The following CENPQ variants were observed in gnomAD, a reference collection of about 807,000 sequenced individuals.
CENPQ encodes the protein centromere protein Q.
CENPQ carries 27 observed loss-of-function variants against 36.6 expected under a neutral mutation model. The observed-to-expected ratio is 0.74, with a 90% CI of 0.54 to 1.02. The LOEUF is 1.02. Among genes scored for constraint, CENPQ ranks in the 50% least tolerant of loss-of-function variants. CENPQ has a pLI of 0.00. For missense variants in CENPQ, 306 were observed against 301.8 expected (o/e 1.01, Z -0.10); for synonymous variants, 101 against 101.7 (o/e 0.99, Z 0.04).
intron 2 of CENPQ, 68 bp downstream of exon 2, chr6:49,470,346 G>A: frequency 2.1e-6 from 2 of 964,116 alleles, no homozygotes; most frequent in Non-Finnish European, 1.6e-6. Context: ...GCTCATGCCT[G>A]TAATCCCAGC....
intron 1 of CENPQ, among the ~76,000 whole-genome samples, chr6:49,467,292 C>T (rs556217911): frequency 1.3e-5 from 2 of 152,216 alleles, no homozygotes; most frequent in South Asian, 4.1e-4. Flanking sequence ...GTCAAACTCC[C>T]TTGTGGTATA....
intron 6 of CENPQ, among the ~76,000 whole-genome samples, chr6:49,486,797 A>C (rs1768592873): frequency 6.6e-6 from 1 of 152,050 alleles, no homozygotes; most frequent in African/African-American, 2.4e-5. Flanking sequence ...TAGGATATCT[A>C]GGATTTGAAA....
chr6:49,465,899 A>G (rs1561962974), intron 1 of CENPQ, among the ~76,000 whole-genome samples: 1 of 152,184 alleles, frequency 6.6e-6, no homozygotes, highest in Non-Finnish European at 1.5e-5. Context: ...ATTTCCTTCA[A>G]GAACTTTTCC....
At chr6:49,492,047 G>A in intron 8 of CENPQ, 97 bp from the exon 9 acceptor site, 1 of 897,692 alleles carries the variant, frequency 1.1e-6, no homozygotes, top group Non-Finnish European at 1.7e-6. Flanking sequence ...TTGGATGATA[G>A]ATACTTAAGG....
intron 3 of CENPQ, 30 bp from the exon 4 acceptor site, chr6:49,472,033 G>C (rs755891872): frequency 1.9e-5 from 30 of 1,585,382 alleles, no homozygotes; most frequent in Non-Finnish European, 2.6e-5. Context: ...CATCTAGATT[G>C]ATCAGAGCCT....
intron 2 of CENPQ, 131 bp downstream of exon 2, chr6:49,470,409 C>G (rs1768101402): frequency 2.0e-6 from 1 of 498,226 alleles, no homozygotes; most frequent in Non-Finnish European, 3.6e-6. Flanking sequence ...CGAAACCATC[C>G]TGGCTAACAT....
intron 1 of CENPQ, among the ~76,000 whole-genome samples, chr6:49,466,781 T>G (rs560161134): frequency 6.6e-6 from 1 of 152,348 alleles, no homozygotes; most frequent in South Asian, 2.1e-4. Flanking sequence ...ACAAAAGCCT[T>G]TAATGTTAGT....
At chr6:49,474,794 A>T (rs1241431699) in intron 5 of CENPQ, among the ~76,000 whole-genome samples, 1 of 152,210 alleles carries the variant, frequency 6.6e-6, no homozygotes, top group Non-Finnish European at 1.5e-5. Context: ...AGAAGAATCA[A>T]ATAGATGCAA....
At chr6:49,469,635 T>C (rs932419081) in intron 1 of CENPQ, among the ~76,000 whole-genome samples, 5 of 152,212 alleles carry the variant, frequency 3.3e-5, no homozygotes, top group Admixed American at 2.6e-4. Context: ...AAATTCTTAA[T>C]AGTGTCAGAC....
At chr6:49,470,037 TAA>T (rs368380826) in intron 1 of CENPQ, 120 bp from the exon 2 acceptor site, 2,621 of 395,500 alleles carry the variant, frequency 6.6e-3, no homozygotes, top group South Asian at 7.8e-3. Flanking sequence ...GATTTTTCTT[TAA>T]AAAAAAAAAA....
At chr6:49,488,871 C>A (rs1768653970) in intron 8 of CENPQ, among the ~76,000 whole-genome samples, 187 bp downstream of exon 8, 1 of 141,926 alleles carries the variant, frequency 7.0e-6, no homozygotes, top group South Asian at 2.3e-4. Flanking sequence ...AGCATTATTT[C>A]TTTTTTTTTT....
intron 5 of CENPQ, among the ~76,000 whole-genome samples, chr6:49,475,462 A>G (rs988548048): frequency 6.6e-6 from 1 of 152,230 alleles, no homozygotes; most frequent in African/African-American, 2.4e-5. Context: ...TCCACAGCCA[A>G]TGTCATACTG....
chr6:49,478,778 A>G (rs907506815), intron 5 of CENPQ, among the ~76,000 whole-genome samples: 1 of 152,168 alleles, frequency 6.6e-6, no homozygotes. Flanking sequence ...CAAGTTTGCT[A>G]GGCAAACAAA....
chr6:49,469,987 T>TG (rs1168863576), intron 1 of CENPQ, among the ~76,000 whole-genome samples, 172 bp from the exon 2 acceptor site: 4 of 152,006 alleles, frequency 2.6e-5, no homozygotes, highest in African/African-American at 4.8e-5. Context: ...AAAAAATGCT[T>TG]GTTTAAAAGC....
intron 1 of CENPQ, among the ~76,000 whole-genome samples, chr6:49,465,081 C>G (rs1004405997): frequency 6.6e-6 from 1 of 152,044 alleles, no homozygotes; most frequent in African/African-American, 2.4e-5. Context: ...CAAAATTATT[C>G]TTTGATTCAT....
At chr6:49,482,370 C>T (rs1768456720) in intron 6 of CENPQ, among the ~76,000 whole-genome samples, 1 of 152,200 alleles carries the variant, frequency 6.6e-6, no homozygotes, top group Non-Finnish European at 1.5e-5. Flanking sequence ...GGGCTGCCAG[C>T]ACGCTGTCAC....
At position 49,484,679 on chromosome 6, in the gene CENPQ, G is replaced by A. The variant is rs1427423673; in HGVS notation, c.477+3599G>A. Among the ~76,000 whole-genome samples the A allele has an allele frequency of 7.2e-5, 11 of 152,270 alleles. No individual in the cohort carries two copies. In the East Asian group the frequency reaches 1.9e-3, roughly 27 times the overall value. Reference sequence around the variant, plus strand: ...TTTCCATAGGATTGAGAATAAAGTTGAAGGAACAATTTCTGAGCACAAATC... The same window carrying A: ...TTTCCATAGGATTGAGAATAAAGTTAAAGGAACAATTTCTGAGCACAAATC... On this transcript the variant is annotated intron_variant, in intron 6 of 8. Coordinates refer to ENST00000335783, the MANE Select transcript of CENPQ (RefSeq NM_018132.4).
At chr6:49,467,367 G>C (rs1057042174) in intron 1 of CENPQ, among the ~76,000 whole-genome samples, 1 of 152,188 alleles carries the variant, frequency 6.6e-6, no homozygotes, top group Non-Finnish European at 1.5e-5. Context: ...AACAATTACA[G>C]CAAATGTACC....
Position 49,472,188 on chromosome 6 carries a change from G to C in CENPQ, c.278+5G>C, listed in dbSNP as rs1286870838. ...TATGATGGAATCAGTAATAATGTGA[G>C]TATAAAATTGTTCCATTTCATTCTT... is the stretch of plus-strand genomic sequence containing the variant. On this transcript the variant is annotated splice_donor_5th_base_variant and intron_variant, in intron 4 of 8. Transcript: ENST00000335783. The C allele has an allele frequency of 6.3e-7, 1 of 1,589,314 alleles. No individual in the cohort carries two copies. Among genetic ancestry groups the C allele is most frequent in the African/African-American group, 1.4e-5 (1 of 73,666 alleles).
Sources: allele counts gnomAD v4.1 joint callset (sites outside exome capture counted in the v4.1 genomes callset), GRCh38; gene constraint gnomAD v4.1.1; transcripts MANE v1.5; gene names NCBI Gene and HGNC (gene_info 2026-07-23, HGNC 2026-07-21).